STK32A: variants seen among roughly 807,000 people sequenced by gnomAD.
The protein encoded by STK32A is serine/threonine-protein kinase 32A.
Under a neutral mutation model 53.2 loss-of-function variants are expected in STK32A, and 41 were observed. That is an observed-to-expected ratio of 0.77 (90% CI 0.60 to 1.00). The LOEUF (loss-of-function observed/expected upper bound fraction) is 1.00. Ranked by LOEUF, STK32A falls within the 50% of genes least tolerant of loss-of-function variation. The pLI is 0.00. For synonymous variants in STK32A, 166 were observed against 162.8 expected (o/e 1.02, Z -0.15); for missense variants, 458 against 485.8 (o/e 0.94, Z 0.54).
At position 147,351,586 on chromosome 5, in the gene STK32A, C is replaced by G. The variant is rs568724487; in HGVS notation, c.562+432C>G. Among the ~76,000 whole-genome samples, 16 of 152,004 alleles carry G rather than the reference C, an allele frequency of 1.1e-4. No individual in the cohort carries two copies. The South Asian group carries it at 2.9e-3, about 28-fold the overall frequency. On this transcript the variant is annotated intron_variant, in intron 7 of 12. Coordinates refer to ENST00000397936, the MANE Select transcript of STK32A (RefSeq NM_001112724.2). ...AAACAAGGCCGGGCATGGTGGCTCA[C>G]GCCTGTAATCCCAGCACTTTGGGAG...
chr5:147,398,553 C>T, the STK32A span, among the ~76,000 whole-genome samples: 3 of 152,172 alleles, frequency 2.0e-5, no homozygotes, highest in Non-Finnish European at 4.4e-5. Context: ...ACAACAGTGT[C>T]GAGCCCGTTT....
intron 4 of STK32A, among the ~76,000 whole-genome samples, chr5:147,318,533 G>A (rs1015562874): frequency 2.6e-5 from 4 of 151,684 alleles, no homozygotes; most frequent in African/African-American, 7.3e-5. Context: ...GAGAGGCTAC[G>A]GCAGGAGGAT....
At chr5:147,283,604 CAA>C (rs962431789) in intron 4 of STK32A, among the ~76,000 whole-genome samples, 10 of 151,646 alleles carry the variant, frequency 6.6e-5, no homozygotes, top group South Asian at 2.1e-4. Flanking sequence ...AGAAATGAAA[CAA>C]GAGATATTAC....
chr5:147,254,560 T>G (rs979839419), intron 2 of STK32A, among the ~76,000 whole-genome samples: 2 of 152,182 alleles, frequency 1.3e-5, no homozygotes, highest in Non-Finnish European at 2.9e-5. Flanking sequence ...CCCTTACAGA[T>G]AGAATAATGG....
chr5:147,340,396 A>G (rs1289572774), intron 5 of STK32A, among the ~76,000 whole-genome samples: 1 of 152,130 alleles, frequency 6.6e-6, no homozygotes, highest in Admixed American at 6.5e-5. Flanking sequence ...TATATTATAG[A>G]CTACTGTCAA....
intron 4 of STK32A, among the ~76,000 whole-genome samples, chr5:147,322,777 C>T (rs971428239): frequency 1.4e-4 from 21 of 152,274 alleles, no homozygotes; most frequent in African/African-American, 4.6e-4. Context: ...TGTTTGTACA[C>T]AGCAGAGACC....
At chr5:147,308,969 TATTA>T (rs952717441) in intron 4 of STK32A, among the ~76,000 whole-genome samples, 41 of 150,860 alleles carry the variant, frequency 2.7e-4, no homozygotes, top group African/African-American at 9.2e-4. Context: ...GTATGTTATT[TATTA>T]TTTATAAATA....
intron 2 of STK32A, among the ~76,000 whole-genome samples, chr5:147,273,263 A>G (rs1027490395): frequency 1.3e-5 from 2 of 152,232 alleles, no homozygotes; most frequent in African/African-American, 2.4e-5. Flanking sequence ...TAAGGGAAAG[A>G]CTTGGAAACC....
chr5:147,345,454 T>C (rs557593112), intron 6 of STK32A, among the ~76,000 whole-genome samples: 1 of 152,334 alleles, frequency 6.6e-6, no homozygotes, highest in African/African-American at 2.4e-5. Flanking sequence ...TTATGTTTCT[T>C]TGTCTATGCT....
In STK32A at chr5:147,375,235, C is replaced by G. The variant is rs781563080; in HGVS notation, c.1032+17C>G. 1.2e-6 allele frequency: 2 copies of G among 1,608,698 alleles called. No homozygotes were observed. The highest frequency in any genetic ancestry group is 1.1e-5 in the South Asian group (1 of 89,684). On this transcript the variant is annotated intron_variant, in intron 11 of 12. Coordinates refer to ENST00000397936, the MANE Select transcript of STK32A (RefSeq NM_001112724.2). ...TCTTCTCAGGTAAGCAGGTCCCCACCAAACTCAGGGTCATGGGTATCCCCA... is the reference window on the plus strand; with the variant it reads ...TCTTCTCAGGTAAGCAGGTCCCCACGAAACTCAGGGTCATGGGTATCCCCA...
intron 5 of STK32A, among the ~76,000 whole-genome samples, chr5:147,325,805 G>C (rs11747533): frequency 0.21 from 32,092 of 151,980 alleles, 3,557 homozygotes; most frequent in East Asian, 0.28. Flanking sequence ...AAGAGAGACT[G>C]TTCATACTTG....
chr5:147,313,348 G>A (rs944796047), intron 4 of STK32A, among the ~76,000 whole-genome samples: 10 of 152,216 alleles, frequency 6.6e-5, no homozygotes, highest in African/African-American at 2.4e-4. Context: ...TATTCATCAA[G>A]TGGGGACAGG....
the STK32A span, among the ~76,000 whole-genome samples, chr5:147,395,155 C>A: frequency 2.6e-5 from 4 of 152,164 alleles, no homozygotes; most frequent in Non-Finnish European, 5.9e-5. Flanking sequence ...GACGCTACTG[C>A]AATTTGAGCA....
chr5:147,323,800 A>G (rs1459060519), intron 4 of STK32A, 98 bp from the exon 5 acceptor site: 2 of 1,078,790 alleles, frequency 1.9e-6, no homozygotes, highest in Non-Finnish European at 1.3e-6. Flanking sequence ...CTCTTAGCTC[A>G]AGAACACTCT....
In STK32A at chr5:147,324,097, A is replaced by G. The variant is rs369840965; in HGVS notation, c.434+26A>G. On this transcript the variant is annotated intron_variant, in intron 5 of 12. Coordinates refer to ENST00000397936, the MANE Select transcript of STK32A (RefSeq NM_001112724.2). ...GTCAGTCAAGTCCAAGGAGATGGCC[A>G]TGAACGTAACGCAAGGAGAGAATCC... 102 of 1,574,772 alleles carry G rather than the reference A, an allele frequency of 6.5e-5. No individual in the cohort carries two copies. In the East Asian group the frequency reaches 1.7e-3, roughly 26 times the overall value.
chr5:147,327,501 A>C (rs923393208), intron 5 of STK32A, among the ~76,000 whole-genome samples: 10 of 152,364 alleles, frequency 6.6e-5, no homozygotes, highest in African/African-American at 2.2e-4. Context: ...TCCTACTTTT[A>C]GATTAAAATC....
chr5:147,315,087 G>C (rs755659441), intron 4 of STK32A, among the ~76,000 whole-genome samples: 1 of 152,264 alleles, frequency 6.6e-6, no homozygotes, highest in East Asian at 1.9e-4. Context: ...GTGTTGGAGA[G>C]GATGTAGAGA....
In STK32A at chr5:147,348,914, T is replaced by C. The variant is rs61249774; in HGVS notation, c.473-2151T>C. On this transcript the variant is annotated intron_variant, in intron 6 of 12. Transcript: ENST00000397936. ...GAAGACTATGATTATCTTTCCAACT[T>C]TACAGAGAGGATAAGTGACGTTTTC... 2.7e-3 allele frequency: 1,476 copies of C among 556,830 alleles called. 15 individuals are homozygous for C. Among genetic ancestry groups the C allele is most frequent in the African/African-American group, 0.025 (1,307 of 52,826 alleles). 34.5% of individuals were successfully genotyped at this position (556,830 alleles called of 1,614,324 possible). A position where few individuals can be genotyped will look rare whatever the true frequency, so the allele number is the denominator to read the frequency against.
intron 2 of STK32A, among the ~76,000 whole-genome samples, chr5:147,271,572 G>A (rs764080287): frequency 1.3e-5 from 2 of 150,854 alleles, no homozygotes; most frequent in Middle Eastern, 3.4e-3. Context: ...AAAGCAAATG[G>A]GAGAAATATC....
Sources: allele counts gnomAD v4.1 joint callset (sites outside exome capture counted in the v4.1 genomes callset), GRCh38; gene constraint gnomAD v4.1.1; transcripts MANE v1.5; gene names NCBI Gene and HGNC (gene_info 2026-07-23, HGNC 2026-07-21).